The following PLCG2 variants were observed in gnomAD, a reference collection of about 807,000 sequenced individuals.
PLCG2 encodes the protein 1-phosphatidylinositol 4,5-bisphosphate phosphodiesterase gamma-2.
A neutral mutation model predicts 175.6 loss-of-function variants in PLCG2; 69 were observed. The ratio of observed to expected loss-of-function variants is 0.39; its 90% CI spans 0.32 to 0.48. The LOEUF is 0.48. Ranked by LOEUF, PLCG2 falls within the 20% of genes least tolerant of loss-of-function variation. The pLI is 0.91. For synonymous variants in PLCG2, 827 were observed against 624.0 expected (o/e 1.33, Z -4.85); for missense variants, 1,798 against 1,650.9 (o/e 1.09, Z -1.54).
At position 81,962,079 on chromosome 16, in the gene PLCG2, C is replaced by G. The variant is rs1321663535; in HGVS notation, c.*4081C>G. On this transcript the variant is annotated 3_prime_UTR_variant, in exon 33 of 33. Transcript: ENST00000564138. ...TGCGCGCTCCGTCGAAGAGGACGAC[C>G]AACCCCGATAGAGGAGGACCGGTCT... 2 of 186,520 alleles carry G rather than the reference C, an allele frequency of 1.1e-5. No individual in the cohort carries two copies. The highest frequency in any genetic ancestry group is 4.7e-5 in the African/African-American group (2 of 42,664). The allele number at this position is 186,520 out of a possible 1,614,324, so 11.6% of individuals were successfully genotyped here. A position where few individuals can be genotyped will look rare whatever the true frequency, so the allele number is the denominator to read the frequency against.
At chr16:81,760,763 T>TAA (rs76802650) in intron 2 of PLCG2, among the ~76,000 whole-genome samples, 3 of 139,048 alleles carry the variant, frequency 2.2e-5, no homozygotes, top group Non-Finnish European at 4.6e-5. Flanking sequence ...AAAAAAATAA[T>TAA]AATAATAATA....
rs1489102626 is a variant in PLCG2 at position 81,902,908 on chromosome 16, C to G, written c.1362+2128C>G. ...TCAGGGAAACTCCCATTTATAAAAC[C>G]AGATCTCATGAGATGTGTTCACTAT... On this transcript the variant is annotated intron_variant, in intron 14 of 32. Coordinates refer to ENST00000564138, the MANE Select transcript of PLCG2 (RefSeq NM_002661.5). Among the ~76,000 whole-genome samples the G allele has an allele frequency of 2.0e-5, 3 of 152,118 alleles. No homozygotes were observed. The East Asian group carries it at 5.8e-4, about 29-fold the overall frequency.
intron 2 of PLCG2, among the ~76,000 whole-genome samples, chr16:81,815,099 G>A (rs1382186111): frequency 6.6e-6 from 1 of 152,106 alleles, no homozygotes; most frequent in Non-Finnish European, 1.5e-5. Flanking sequence ...TTTTTCCTGA[G>A]TTATGGAAGG....
chr16:81,921,029 T>G (rs1910038876), intron 20 of PLCG2, among the ~76,000 whole-genome samples, 169 bp from the exon 21 acceptor site: 1 of 152,190 alleles, frequency 6.6e-6, no homozygotes, highest in African/African-American at 2.4e-5. Context: ...GGGGACCTTC[T>G]TTATAGCTTC....
chr16:81,778,080 AC>A (rs1435118277), upstream of PLCG2, among the ~76,000 whole-genome samples: 40 of 45,596 alleles, frequency 8.8e-4, no homozygotes, highest in African/African-American at 4.8e-3. Context: ...ACACACACAC[AC>A]AAAAAAAACG....
chr16:81,861,288 ACT>A (rs1218783851), intron 5 of PLCG2, among the ~76,000 whole-genome samples: 1 of 152,120 alleles, frequency 6.6e-6, no homozygotes, highest in Non-Finnish European at 1.5e-5. Flanking sequence ...CAATAACTAA[ACT>A]CTGTCAGCTC....
chr16:81,822,773 A>AAAAAAAAG, intron 2 of PLCG2, among the ~76,000 whole-genome samples: 1 of 150,976 alleles, frequency 6.6e-6, no homozygotes, highest in African/African-American at 2.4e-5. Flanking sequence ...AAAAAAAAAA[A>AAAAAAAAG]AAAAAAAAGA....
At chr16:81,760,036 G>C (rs1446202632) in intron 2 of PLCG2, among the ~76,000 whole-genome samples, 1 of 152,238 alleles carries the variant, frequency 6.6e-6, no homozygotes, top group African/African-American at 2.4e-5. Flanking sequence ...TGAGGCAGGA[G>C]AATGGCGTGA....
Position 81,842,457 on chromosome 16 carries a change from G to C in PLCG2, c.194-11987G>C, listed in dbSNP as rs537067458. 3.9e-5 allele frequency among the ~76,000 whole-genome samples: 6 copies of C among 152,328 alleles called. No individual in the cohort carries two copies. In the East Asian group the frequency reaches 1.2e-3, roughly 29 times the overall value. On this transcript the variant is annotated intron_variant, in intron 2 of 32. Coordinates refer to ENST00000564138, the MANE Select transcript of PLCG2 (RefSeq NM_002661.5). ...GTGTGGCATCCCTAGCGCTCAGCGT[G>C]GGGTTCTGTGACTGCCTGGTTGACT... is the stretch of plus-strand genomic sequence containing the variant.
At chr16:81,799,453 C>A (rs1911622940) in intron 2 of PLCG2, among the ~76,000 whole-genome samples, 1 of 152,184 alleles carries the variant, frequency 6.6e-6, no homozygotes, top group East Asian at 1.9e-4. Context: ...GAGGCAGGGT[C>A]TTGCTCTGTC....
chr16:81,958,179 C>G lies in PLCG2; in HGVS notation c.*181C>G, dbSNP rs1280408934. 1.0e-5 allele frequency: 6 copies of G among 597,940 alleles called. No individual in the cohort carries two copies. Among genetic ancestry groups the G allele is most frequent in the Non-Finnish European group, 1.5e-5 (5 of 327,194 alleles). 37.0% of individuals were successfully genotyped at this position (597,940 alleles called of 1,614,324 possible). The stretch of plus-strand genomic sequence containing the variant: ...AGTTGGGGTAATTTCCTATTATTTT[C>G]ATCTTGGACAACTTTCTTAACTTAT... On this transcript the variant is annotated 3_prime_UTR_variant, in exon 33 of 33. Transcript: ENST00000564138.
intron 2 of PLCG2, among the ~76,000 whole-genome samples, chr16:81,845,447 C>A (rs1450269271): frequency 6.6e-6 from 1 of 152,186 alleles, no homozygotes; most frequent in Non-Finnish European, 1.5e-5. Flanking sequence ...TCCTGTTGTT[C>A]ACATGAAGAA....
At chr16:81,878,718 T>C (rs78653935) in intron 7 of PLCG2, among the ~76,000 whole-genome samples, 7,558 of 152,268 alleles carry the variant, frequency 0.05, 296 homozygotes, top group South Asian at 0.082. Context: ...GGTCTTTATC[T>C]TGTCCACTCA....
intron 2 of PLCG2, among the ~76,000 whole-genome samples, chr16:81,823,403 C>G (rs1904892842): frequency 1.3e-5 from 2 of 152,200 alleles, no homozygotes; most frequent in Non-Finnish European, 2.9e-5. Context: ...CTCCCCACCC[C>G]TCGCCCCATG....
At chr16:81,837,477 G>A (rs1905579728) in intron 2 of PLCG2, among the ~76,000 whole-genome samples, 1 of 152,228 alleles carries the variant, frequency 6.6e-6, no homozygotes, top group African/African-American at 2.4e-5. Context: ...CTGGCAGAAG[G>A]CGGAGCCCAG....
chr16:81,872,262 A>G (rs993982810), intron 7 of PLCG2, among the ~76,000 whole-genome samples: 4 of 152,212 alleles, frequency 2.6e-5, no homozygotes, highest in Non-Finnish European at 5.9e-5. Flanking sequence ...TGGGAGGCGG[A>G]GGTTGCAGTG....
In PLCG2 at chr16:81,851,581, C is replaced by T. The variant is rs181414365; in HGVS notation, c.194-2863C>T. On this transcript the variant is annotated intron_variant, in intron 2 of 32. Transcript: ENST00000564138. The stretch of plus-strand genomic sequence containing the variant: ...AGGCTGGAGTGCAGTGGCGTGGTCT[C>T]GGCTCCCTGCAACCTCCGCCTCCCG... Among the ~76,000 whole-genome samples, 5 of 152,224 alleles carry T rather than the reference C, an allele frequency of 3.3e-5. No individual in the cohort carries two copies. The East Asian group carries it at 7.7e-4, about 24-fold the overall frequency.
chr16:81,837,110 C>T (rs1905558485), intron 2 of PLCG2, among the ~76,000 whole-genome samples: 1 of 152,296 alleles, frequency 6.6e-6, no homozygotes, highest in South Asian at 2.1e-4. Flanking sequence ...GAGAACCTTT[C>T]TCTTGCTGTA....
chr16:81,910,699 C>A lies in PLCG2; in HGVS notation c.1913C>A (p.Pro638His). The A allele has an allele frequency of 6.2e-7, 1 of 1,610,636 alleles. No individual in the cohort carries two copies. The highest frequency in any genetic ancestry group is 8.5e-7 in the Non-Finnish European group (1 of 1,179,976). The stretch of plus-strand genomic sequence containing the variant: ...CGGCTCACGGACCCTGTGCCCAACC[C>A]CAACCCCCACGAGTCCAAGCCGTAC... ...ELRLTDPVPN[P>H]NPHESKPWYY... The change falls in exon 18 of 33, where the codon CCC (proline) becomes CAC (histidine). Residue 638 changes from proline to histidine, a missense_variant. Pro to His is a moderately conservative substitution (Grantham distance 77). Coordinates refer to ENST00000564138, the MANE Select transcript of PLCG2 (RefSeq NM_002661.5).
Sources: gnomAD v4.1 joint callset for allele counts (sites outside exome capture counted in the v4.1 genomes callset) on GRCh38, gnomAD v4.1.1 for gene constraint, MANE v1.5 for transcripts, NCBI Gene and HGNC (gene_info 2026-07-23, HGNC 2026-07-21) for gene names.